PTPRM: variants seen among roughly 807,000 people sequenced by gnomAD.
PTPRM encodes protein tyrosine phosphatase receptor type M, also known as receptor-type tyrosine-protein phosphatase mu.
In PTPRM, 47 loss-of-function variants were observed where a neutral mutation model predicts 186.7. The ratio of observed to expected loss-of-function variants is 0.25; its 90% CI spans 0.20 to 0.32. The LOEUF (loss-of-function observed/expected upper bound fraction) is 0.32, where lower values mean the gene tolerates loss of function less well. Ranked by LOEUF, PTPRM falls within the 10% of genes least tolerant of loss-of-function variation. The pLI, the probability that PTPRM is intolerant of heterozygous loss-of-function variation, is 1.00. For missense variants in PTPRM, 1,494 were observed against 1,865.0 expected (o/e 0.80, Z 3.66); for synonymous variants, 668 against 674.9 (o/e 0.99, Z 0.16).
intron 1 of PTPRM, among the ~76,000 whole-genome samples, chr18:7,616,588 T>C (rs186968921): frequency 3.3e-5 from 5 of 152,266 alleles, no homozygotes; most frequent in African/African-American, 1.2e-4. Context: ...GGCCCAGTGT[T>C]GTGCGGCAGA....
At chr18:7,662,136 A>G (rs546491807) in intron 1 of PTPRM, among the ~76,000 whole-genome samples, 1 of 152,100 alleles carries the variant, frequency 6.6e-6, no homozygotes, top group South Asian at 2.1e-4. Flanking sequence ...AGGTTTCTTC[A>G]TGTTGCCCAG....
intron 2 of PTPRM, among the ~76,000 whole-genome samples, chr18:7,793,460 G>A (rs1336583553): frequency 6.6e-6 from 1 of 151,796 alleles, no homozygotes; most frequent in African/African-American, 2.4e-5. Flanking sequence ...TCACAATGAG[G>A]AGCACTTTCT....
At chr18:8,150,157 G>C (rs2092972395) in intron 14 of PTPRM, among the ~76,000 whole-genome samples, 1 of 152,080 alleles carries the variant, frequency 6.6e-6, no homozygotes, top group African/African-American at 2.4e-5. Context: ...TCTTTGTGGT[G>C]TTCTCTGTAT....
intron 4 of PTPRM, among the ~76,000 whole-genome samples, chr18:7,910,045 G>T (rs970717308): frequency 2.0e-5 from 3 of 152,094 alleles, no homozygotes; most frequent in African/African-American, 7.2e-5. Flanking sequence ...TATGAGCTGT[G>T]CATATATGGG....
At chr18:7,571,836 G>A (rs1300604651) in intron 1 of PTPRM, among the ~76,000 whole-genome samples, 2 of 152,110 alleles carry the variant, frequency 1.3e-5, no homozygotes, top group African/African-American at 2.4e-5. Flanking sequence ...GGTGAAGGGT[G>A]TACTTGCACA....
intron 1 of PTPRM, among the ~76,000 whole-genome samples, chr18:7,687,190 CAAG>C (rs2039622002): frequency 6.6e-6 from 1 of 152,022 alleles, no homozygotes; most frequent in South Asian, 2.1e-4. Context: ...GTAATTTTGT[CAAG>C]AGCAGATCAT....
chr18:7,804,358 T>G (rs1159469512), intron 2 of PTPRM, among the ~76,000 whole-genome samples: 1 of 152,182 alleles, frequency 6.6e-6, no homozygotes, highest in African/African-American at 2.4e-5. Flanking sequence ...CAGGGAGATG[T>G]GATCTTGGGC....
intron 7 of PTPRM, among the ~76,000 whole-genome samples, chr18:8,051,785 G>A (rs1400111487): frequency 2.0e-5 from 3 of 151,978 alleles, no homozygotes; most frequent in Non-Finnish European, 4.4e-5. Flanking sequence ...CAATAATGCT[G>A]GTAAAGACAT....
At chr18:7,574,989 G>T (rs532666097) in intron 1 of PTPRM, among the ~76,000 whole-genome samples, 1 of 152,150 alleles carries the variant, frequency 6.6e-6, no homozygotes, top group Admixed American at 6.5e-5. Context: ...CCGAGATCGC[G>T]CCACTGCACT....
intron 1 of PTPRM, among the ~76,000 whole-genome samples, chr18:7,706,601 CAAAA>C (rs766639399): frequency 1.2e-4 from 2 of 16,130 alleles, no homozygotes; most frequent in Non-Finnish European, 2.5e-4. Flanking sequence ...GACCTTGTCT[CAAAA>C]AAAAAAAAAA....
intron 2 of PTPRM, among the ~76,000 whole-genome samples, chr18:7,799,697 A>G (rs1224987501): frequency 6.6e-6 from 1 of 152,078 alleles, no homozygotes; most frequent in African/African-American, 2.4e-5. Flanking sequence ...TGCAATTATA[A>G]ATGTTGTCTT....
intron 14 of PTPRM, among the ~76,000 whole-genome samples, chr18:8,183,600 T>G (rs553524542): frequency 5.9e-5 from 9 of 152,262 alleles, no homozygotes; most frequent in Admixed American, 2.6e-4. Context: ...CAGGAATATA[T>G]GTATTGAGTC....
intron 11 of PTPRM, among the ~76,000 whole-genome samples, chr18:8,104,233 T>C (rs577058830): frequency 6.6e-6 from 1 of 152,306 alleles, no homozygotes; most frequent in African/African-American, 2.4e-5. Context: ...TTTAGTTCAG[T>C]ATCTGTGAAG....
intron 5 of PTPRM, among the ~76,000 whole-genome samples, chr18:7,927,043 C>T (rs1164795877): frequency 6.6e-6 from 1 of 152,124 alleles, no homozygotes; most frequent in Non-Finnish European, 1.5e-5. Context: ...TACACACATA[C>T]ACACCACAGA....
At chr18:7,720,495 A>G (rs191895728) in intron 1 of PTPRM, among the ~76,000 whole-genome samples, 80 of 152,298 alleles carry the variant, frequency 5.3e-4, no homozygotes, top group Non-Finnish European at 8.4e-4. Context: ...GGTAAAATCC[A>G]TACTACATAA....
intron 7 of PTPRM, among the ~76,000 whole-genome samples, chr18:8,042,782 C>A (rs1322161423): frequency 6.6e-6 from 1 of 152,158 alleles, no homozygotes; most frequent in African/African-American, 2.4e-5. Context: ...TTTTGGGTGT[C>A]TTTTTCCTGT....
At chr18:8,384,420 T>C in intron 29 of PTPRM, 141 bp from the exon 30 acceptor site, 1 of 935,938 alleles carries the variant, frequency 1.1e-6, no homozygotes, top group Non-Finnish European at 1.6e-6. Flanking sequence ...ATCGCACCAC[T>C]GCACTCTAGC....
intron 22 of PTPRM, among the ~76,000 whole-genome samples, chr18:8,323,547 G>A (rs2095358487): frequency 6.6e-6 from 1 of 152,158 alleles, no homozygotes; most frequent in South Asian, 2.1e-4. Flanking sequence ...ACTTTTTTGA[G>A]TTTAGGTGCC....
chr18:7,737,387 G>A (rs927903601), intron 1 of PTPRM, among the ~76,000 whole-genome samples: 6 of 152,204 alleles, frequency 3.9e-5, no homozygotes, highest in Admixed American at 6.5e-5. Context: ...GAGCCACAGT[G>A]CCCGGCCAAC....
Sources: gnomAD v4.1 joint callset for allele counts (sites outside exome capture counted in the v4.1 genomes callset) on GRCh38, gnomAD v4.1.1 for gene constraint, MANE v1.5 for transcripts, NCBI Gene and HGNC (gene_info 2026-07-23, HGNC 2026-07-21) for gene names.